The following RYR2 variants were observed in gnomAD, a reference collection of about 807,000 sequenced individuals.
The protein encoded by RYR2 is ryanodine receptor 2.
A neutral mutation model predicts 601.1 loss-of-function variants in RYR2; 227 were observed. That is an observed-to-expected ratio of 0.38 (90% CI 0.34 to 0.42). The LOEUF (loss-of-function observed/expected upper bound fraction) is 0.42, where lower values mean the gene tolerates loss of function less well. RYR2 is among the 10% of genes least tolerant of loss of function. The pLI is 1.00. For synonymous variants in RYR2, 2,223 were observed against 2,175.1 expected (o/e 1.02, Z -0.61); for missense variants, 4,646 against 6,156.5 (o/e 0.75, Z 8.21).
chr1:237,671,441 T>C (rs1684919937), intron 58 of RYR2, among the ~76,000 whole-genome samples: 1 of 151,934 alleles, frequency 6.6e-6, no homozygotes, highest in Non-Finnish European at 1.5e-5. Flanking sequence ...CCAGCTCTAC[T>C]CCCACTGCCG....
intron 2 of RYR2, among the ~76,000 whole-genome samples, chr1:237,329,215 C>T (rs1696470639): frequency 6.6e-6 from 1 of 152,038 alleles, no homozygotes; most frequent in Non-Finnish European, 1.5e-5. Flanking sequence ...CAGGGTCTTG[C>T]TCTGTCACTC....
chr1:237,685,529 A>G (rs1339031342), intron 62 of RYR2, among the ~76,000 whole-genome samples: 1 of 152,264 alleles, frequency 6.6e-6, no homozygotes, highest in African/African-American at 2.4e-5. Flanking sequence ...TGGATCATCA[A>G]GAATATCTCA....
chr1:237,215,828 A>T (rs1683096128), intron 1 of RYR2, among the ~76,000 whole-genome samples: 1 of 152,212 alleles, frequency 6.6e-6, no homozygotes, highest in Non-Finnish European at 1.5e-5. Flanking sequence ...ATTTTAATGG[A>T]TTCATATTTT....
intron 1 of RYR2, among the ~76,000 whole-genome samples, chr1:237,095,308 A>G (rs1445464612): frequency 6.6e-6 from 1 of 152,208 alleles, no homozygotes; most frequent in Non-Finnish European, 1.5e-5. Flanking sequence ...TGGGTCTTCC[A>G]CTGAACACTG....
chr1:237,487,711 C>T (rs937103083), intron 17 of RYR2, among the ~76,000 whole-genome samples: 2 of 150,990 alleles, frequency 1.3e-5, no homozygotes, highest in African/African-American at 4.9e-5. Context: ...CCAGCCTGGG[C>T]AACTAAGCAA....
chr1:237,405,573 C>A (rs1207906738), intron 10 of RYR2, among the ~76,000 whole-genome samples: 1 of 152,156 alleles, frequency 6.6e-6, no homozygotes, highest in Non-Finnish European at 1.5e-5. Flanking sequence ...TAATTTAATT[C>A]CATCAGAGAT....
At chr1:237,641,391 C>T (rs1681456861) in intron 47 of RYR2, among the ~76,000 whole-genome samples, 1 of 151,984 alleles carries the variant, frequency 6.6e-6, no homozygotes, top group African/African-American at 2.4e-5. Context: ...TGTTTGCCAT[C>T]GTTTTAGGGG....
In RYR2 at chr1:237,798,060, C is replaced by T; in HGVS notation, c.13980C>T (p.Phe4660=). The change falls in exon 97 of 105, where the codon TTC becomes TTT. Residue 4660 remains phenylalanine, a synonymous_variant. Transcript: ENST00000366574. The stretch of plus-strand genomic sequence containing the variant: ...AGGTTATGGATAAATATGGAGAGTT[C>T]TACGGCCGAGACAGAATCAGTGAAT... The part of the protein sequence containing the change: ...KRKVMDKYGE[F]YGRDRISELL... 1.2e-6 allele frequency: 2 copies of T among 1,610,956 alleles called. No homozygotes were observed. The highest frequency in any genetic ancestry group is 1.7e-6 in the Non-Finnish European group (2 of 1,178,484).
chr1:237,382,432 A>T lies in RYR2; in HGVS notation c.577-4849A>T, dbSNP rs542346946. On this transcript the variant is annotated intron_variant, in intron 8 of 104. Transcript: ENST00000366574. ...AGGGTACATGTGCACAACGTGCAGG[A>T]TTGTTACATATGTATACATGTGCCA... 2.8e-3 allele frequency among the ~76,000 whole-genome samples: 427 copies of T among 151,962 alleles called. 5 individuals carry two copies. Among genetic ancestry groups the T allele is most frequent in the East Asian group, 9.1e-3 (47 of 5,154 alleles).
chr1:237,768,030 A>G (rs189648205), intron 84 of RYR2, among the ~76,000 whole-genome samples: 4 of 152,302 alleles, frequency 2.6e-5, no homozygotes, highest in Admixed American at 2.6e-4. Context: ...TTTGGAGTCT[A>G]TTTATCCTAA....
chr1:237,345,453 C>CAAAAAATAAAAAAT (rs913069540), intron 3 of RYR2, among the ~76,000 whole-genome samples: 1 of 139,118 alleles, frequency 7.2e-6, no homozygotes, highest in Admixed American at 7.2e-5. Flanking sequence ...GAGACTCTGC[C>CAAAAAATAAAAAAT]AAAAAATAAA....
chr1:237,789,036 G>A (rs1027564910), intron 92 of RYR2, among the ~76,000 whole-genome samples: 2 of 151,140 alleles, frequency 1.3e-5, no homozygotes, highest in Non-Finnish European at 2.9e-5. Context: ...AATTATATGT[G>A]TGTATATATG....
chr1:237,742,616 T>C lies in RYR2; in HGVS notation c.11145+267T>C, dbSNP rs76858280. Among the ~76,000 whole-genome samples, 1,668 of 152,272 alleles carry C rather than the reference T, an allele frequency of 0.011. 50 individuals carry two copies. The highest frequency in any genetic ancestry group is 0.068 in the East Asian group (351 of 5,168). The stretch of plus-strand genomic sequence containing the variant: ...CCCTCAGAGATGAGACGGCTTCAAA[T>C]TGGTCTCATCTCAGCGATGTGGTCT... On this transcript the variant is annotated intron_variant, in intron 80 of 104. Coordinates refer to ENST00000366574, the MANE Select transcript of RYR2 (RefSeq NM_001035.3).
chr1:237,197,340 C>T (rs1680681361), intron 1 of RYR2, among the ~76,000 whole-genome samples: 1 of 152,120 alleles, frequency 6.6e-6, no homozygotes, highest in Non-Finnish European at 1.5e-5. Context: ...AAGTTAAATT[C>T]CCATTCATCT....
intron 3 of RYR2, among the ~76,000 whole-genome samples, chr1:237,332,253 T>G (rs1322729474): frequency 6.6e-6 from 1 of 152,204 alleles, no homozygotes; most frequent in Non-Finnish European, 1.5e-5. Flanking sequence ...GTCATGCAGC[T>G]TATGACTTTA....
intron 25 of RYR2, among the ~76,000 whole-genome samples, chr1:237,534,151 G>A (rs532027962): frequency 3.3e-5 from 5 of 152,112 alleles, no homozygotes; most frequent in Admixed American, 2.0e-4. Flanking sequence ...AGGCAATACT[G>A]CTCAAAATGA....
chr1:237,758,452 G>A (rs1009512269), intron 82 of RYR2, among the ~76,000 whole-genome samples: 2 of 151,882 alleles, frequency 1.3e-5, no homozygotes, highest in Non-Finnish European at 2.9e-5. Context: ...CACACCCCCC[G>A]TAAATGGCTA....
intron 21 of RYR2, 125 bp from the exon 22 acceptor site, chr1:237,503,164 G>T (rs891187622): frequency 1.2e-5 from 9 of 764,230 alleles, no homozygotes; most frequent in African/African-American, 1.0e-4. Context: ...ATGATGGTAC[G>T]TAGGGGAAAA....
chr1:237,566,940 C>T (rs1369529602), intron 28 of RYR2, among the ~76,000 whole-genome samples, 165 bp downstream of exon 28: 4 of 152,208 alleles, frequency 2.6e-5, no homozygotes, highest in Admixed American at 6.5e-5. Context: ...CCCTTCCCTA[C>T]AACCCATGAA....
Sources: allele counts gnomAD v4.1 joint callset (sites outside exome capture counted in the v4.1 genomes callset), GRCh38; gene constraint gnomAD v4.1.1; transcripts MANE v1.5; gene names NCBI Gene and HGNC (gene_info 2026-07-23, HGNC 2026-07-21).